PAX5: variants seen among roughly 807,000 people sequenced by gnomAD.
PAX5 encodes the protein paired box protein Pax-5.
A neutral mutation model predicts 43.7 loss-of-function variants in PAX5; 9 were observed. That is an observed-to-expected ratio of 0.21 (90% CI 0.12 to 0.36). The LOEUF is 0.36. PAX5 is among the 10% of genes least tolerant of loss of function. The pLI is 1.00. For synonymous variants in PAX5, 228 were observed against 214.3 expected, an observed-to-expected ratio of 1.06 and a Z score of -0.56; for missense variants, 383 against 532.7, an observed-to-expected ratio of 0.72 and a Z score of 2.77.
intron 6 of PAX5, among the ~76,000 whole-genome samples, chr9:36,933,923 T>C (rs1831334830): frequency 6.6e-6 from 1 of 152,030 alleles, no homozygotes. Flanking sequence ...ATTGGGGCCC[T>C]TCTGACTCAC....
intron 8 of PAX5, among the ~76,000 whole-genome samples, chr9:36,879,833 A>G (rs994650731): frequency 3.9e-5 from 6 of 152,154 alleles, no homozygotes; most frequent in African/African-American, 7.2e-5. Context: ...TGGACGTGCT[A>G]AAGGTTGGAA....
intron 3 of PAX5, among the ~76,000 whole-genome samples, chr9:37,008,332 G>A (rs751688729): frequency 2.3e-4 from 35 of 152,228 alleles, no homozygotes; most frequent in Non-Finnish European, 3.5e-4. Context: ...GGGATTACAG[G>A]CGTGAGCCAC....
At chr9:37,031,440 G>GA (rs1489153911) in intron 1 of PAX5, among the ~76,000 whole-genome samples, 1 of 152,144 alleles carries the variant, frequency 6.6e-6, no homozygotes, top group Non-Finnish European at 1.5e-5. Flanking sequence ...GGATGTCAAT[G>GA]CCCAGTGGGA....
chr9:36,840,372 C>T lies in PAX5; in HGVS notation c.*188G>A. 1.5e-6 allele frequency: 1 copy of T among 646,174 alleles called. No individual in the cohort carries two copies. Among genetic ancestry groups the T allele is most frequent in the South Asian group, 1.8e-5 (1 of 55,164 alleles). 40.0% of individuals were successfully genotyped at this position (646,174 alleles called of 1,614,324 possible). A position where few individuals can be genotyped will look rare whatever the true frequency, so the allele number is the denominator to read the frequency against. Reference sequence around the variant, plus strand: ...TTGGCTTTTAGAAATAGACAAGCATCCAGAAGTCCAACGGCCCCACCAAAG... The same window carrying T: ...TTGGCTTTTAGAAATAGACAAGCATTCAGAAGTCCAACGGCCCCACCAAAG... On this transcript the variant is annotated 3_prime_UTR_variant, in exon 10 of 10. Transcript: ENST00000358127.
chr9:36,885,325 T>C (rs3780137), intron 7 of PAX5, among the ~76,000 whole-genome samples: 1 of 152,278 alleles, frequency 6.6e-6, no homozygotes, highest in East Asian at 1.9e-4. Flanking sequence ...ACGAAGCATG[T>C]CAAGTCTGCC....
chr9:36,880,626 G>T (rs892895961), intron 8 of PAX5, among the ~76,000 whole-genome samples: 2 of 152,220 alleles, frequency 1.3e-5, no homozygotes, highest in African/African-American at 4.8e-5. Context: ...GCAGTGGCAC[G>T]ATCTTGGCTC....
At chr9:36,881,238 A>C (rs1313315163) in intron 8 of PAX5, among the ~76,000 whole-genome samples, 2 of 152,248 alleles carry the variant, frequency 1.3e-5, no homozygotes, top group Non-Finnish European at 2.9e-5. Context: ...AACTTTTAGA[A>C]ATAATTTTTA....
intron 6 of PAX5, among the ~76,000 whole-genome samples, chr9:36,936,139 T>C (rs1222872028): frequency 2.0e-5 from 3 of 152,218 alleles, no homozygotes; most frequent in Admixed American, 1.3e-4. Context: ...CCCAAATACG[T>C]GGACAGAAAG....
At chr9:36,856,108 G>A (rs12005664) in intron 8 of PAX5, among the ~76,000 whole-genome samples, 3,209 of 152,314 alleles carry the variant, frequency 0.021, 114 homozygotes, top group African/African-American at 0.073. Context: ...TGACTGACAG[G>A]TCCCTGCAGC....
At chr9:37,008,513 C>G (rs1838658396) in intron 3 of PAX5, among the ~76,000 whole-genome samples, 1 of 152,188 alleles carries the variant, frequency 6.6e-6, no homozygotes, top group African/African-American at 2.4e-5. Flanking sequence ...TGGGTGCCTC[C>G]CCTTAAACTC....
At chr9:36,903,725 G>A (rs1285394711) in intron 7 of PAX5, among the ~76,000 whole-genome samples, 1 of 152,238 alleles carries the variant, frequency 6.6e-6, no homozygotes, top group Non-Finnish European at 1.5e-5. Context: ...CTGAGCAGGA[G>A]GCTGACCTAA....
rs542109792 is a variant in PAX5 at position 36,930,871 on chromosome 9, G to C, written c.781-7387C>G. The C allele has an allele frequency of 1.6e-3, 2,108 of 1,308,574 alleles. 8 individuals are homozygous for C. Among genetic ancestry groups the C allele is most frequent in the Non-Finnish European group, 2.0e-3 (1,980 of 999,342 alleles). 81.1% of individuals were successfully genotyped at this position (1,308,574 alleles called of 1,614,324 possible). On this transcript the variant is annotated intron_variant, in intron 6 of 9. Coordinates refer to ENST00000358127, the MANE Select transcript of PAX5 (RefSeq NM_016734.3). ...GAGAGTGTGCACTGGGCATCATTTG[G>C]GTCCCTAGGAAATTACCTGGAAAAG...
rs1262620233 is a variant in PAX5 at position 36,834,106 on chromosome 9, C to T, written c.*6454G>A. 2.1e-5 allele frequency: 5 copies of T among 233,102 alleles called. No homozygotes were observed. The highest frequency in any genetic ancestry group is 6.0e-5 in the East Asian group (1 of 16,598). The allele number at this position is 233,102 out of a possible 1,614,324, so 14.4% of individuals were successfully genotyped here. A position where few individuals can be genotyped will look rare whatever the true frequency, so the allele number is the denominator to read the frequency against. ...ACTAGAGGGTGAAAAACCAGGGCAG[C>T]GTCTTCCAGCAGGAGTCAGGGCAAA... On this transcript the variant is annotated 3_prime_UTR_variant, in exon 10 of 10. Coordinates refer to ENST00000358127, the MANE Select transcript of PAX5 (RefSeq NM_016734.3).
At chr9:36,919,054 G>A (rs376252891) in intron 7 of PAX5, among the ~76,000 whole-genome samples, 13 of 152,202 alleles carry the variant, frequency 8.5e-5, no homozygotes, top group African/African-American at 3.1e-4. Flanking sequence ...TGACTCTCTT[G>A]TTAGGGGCTA....
intron 7 of PAX5, among the ~76,000 whole-genome samples, chr9:36,917,766 T>C (rs1829834374): frequency 6.6e-6 from 1 of 152,260 alleles, no homozygotes; most frequent in African/African-American, 2.4e-5. Context: ...GGAAGGTTTC[T>C]GGCAACCCTG....
At position 36,956,257 on chromosome 9, in the gene PAX5, A is replaced by T. The variant is rs138452242; in HGVS notation, c.780+10292T>A. On this transcript the variant is annotated intron_variant, in intron 6 of 9. Coordinates refer to ENST00000358127, the MANE Select transcript of PAX5 (RefSeq NM_016734.3). The stretch of plus-strand genomic sequence containing the variant: ...GGATGAATGAATGAATAAATGAATG[A>T]AAGAACAACCGAGCAAGGTGCAGGC... Among the ~76,000 whole-genome samples, 32 of 152,366 alleles carry T rather than the reference A, an allele frequency of 2.1e-4. No homozygotes were observed. In the East Asian group the frequency reaches 5.4e-3, roughly 26 times the overall value.
intron 6 of PAX5, among the ~76,000 whole-genome samples, chr9:36,924,205 G>A (rs753847635): frequency 6.6e-5 from 10 of 152,216 alleles, no homozygotes; most frequent in Non-Finnish European, 1.2e-4. Flanking sequence ...CCAACCATGT[G>A]TATTTAGCCC....
chr9:36,998,260 T>C (rs1564059028), intron 5 of PAX5, among the ~76,000 whole-genome samples: 1 of 152,208 alleles, frequency 6.6e-6, no homozygotes, highest in Non-Finnish European at 1.5e-5. Flanking sequence ...AGTCTGGTCT[T>C]GGAGGCAGGC....
intron 5 of PAX5, among the ~76,000 whole-genome samples, chr9:36,991,773 C>T (rs1836964950): frequency 7.1e-6 from 1 of 141,084 alleles, no homozygotes; most frequent in Non-Finnish European, 1.6e-5. Context: ...GTGGCTGGTG[C>T]TGGGAAGTGT....
Sources: gnomAD v4.1 joint callset for allele counts (sites outside exome capture counted in the v4.1 genomes callset) on GRCh38, gnomAD v4.1.1 for gene constraint, MANE v1.5 for transcripts, NCBI Gene and HGNC (gene_info 2026-07-23, HGNC 2026-07-21) for gene names.